PLXNA4: variants seen among roughly 807,000 people sequenced by gnomAD.
PLXNA4 encodes plexin-A4.
A neutral mutation model predicts 191.8 loss-of-function variants in PLXNA4; 44 were observed. That is an observed-to-expected ratio of 0.23 (90% CI 0.18 to 0.29). The LOEUF is 0.29. Ranked by LOEUF, PLXNA4 falls within the 10% of genes least tolerant of loss-of-function variation. PLXNA4 has a pLI of 1.00. For missense variants in PLXNA4, 1,800 were observed against 2,488.8 expected (o/e 0.72, Z 5.89); for synonymous variants, 1,082 against 1,009.5 (o/e 1.07, Z -1.36).
chr7:132,363,090 T>G (rs1452729071), intron 3 of PLXNA4, among the ~76,000 whole-genome samples: 1 of 152,188 alleles, frequency 6.6e-6, no homozygotes, highest in African/African-American at 2.4e-5. Flanking sequence ...GTTCAAGTGA[T>G]TCTCTTACCT....
intron 1 of PLXNA4, among the ~76,000 whole-genome samples, chr7:132,511,499 T>C (rs1418153436): frequency 6.6e-6 from 1 of 152,174 alleles, no homozygotes; most frequent in Non-Finnish European, 1.5e-5. Context: ...ACCAGTATCA[T>C]GAGAAAAACA....
chr7:132,614,243 G>A lies in PLXNA4; in HGVS notation c.-87+31685C>T, dbSNP rs746495292. Among the ~76,000 whole-genome samples, 27 of 152,144 alleles carry A rather than the reference G, an allele frequency of 1.8e-4. No individual in the cohort carries two copies. In the South Asian group the frequency reaches 2.3e-3, roughly 13 times the overall value. On this transcript the variant is annotated intron_variant, in intron 2 of 4. Coordinates refer to the PLXNA4 transcript ENST00000378539. ...ATTCCAACAGATCAACAATATAAAC[G>A]ATTATTGAGGTATTTTACACTCTTT... is the stretch of plus-strand genomic sequence containing the variant.
At chr7:132,578,929 G>C (rs1442683927), upstream of PLXNA4, among the ~76,000 whole-genome samples, 1 of 152,174 alleles carries the variant, frequency 6.6e-6, no homozygotes, top group African/African-American at 2.4e-5. Flanking sequence ...CAGAAGTCCA[G>C]AGACACACAT....
At chr7:132,634,987 A>T (rs1002766292) in intron 2 of PLXNA4, among the ~76,000 whole-genome samples, 2 of 151,966 alleles carry the variant, frequency 1.3e-5, no homozygotes, top group Non-Finnish European at 2.9e-5. Context: ...ACGAGAAAAG[A>T]CGAGACTGGC....
intron 20 of PLXNA4, among the ~76,000 whole-genome samples, chr7:132,176,237 C>T (rs1219063088): frequency 6.6e-6 from 1 of 152,214 alleles, no homozygotes; most frequent in Admixed American, 6.5e-5. Flanking sequence ...TGCTGCTCCT[C>T]TCTCCCTGCA....
chr7:132,468,955 G>A (rs1447562967), intron 3 of PLXNA4, among the ~76,000 whole-genome samples: 1 of 151,902 alleles, frequency 6.6e-6, no homozygotes, highest in Non-Finnish European at 1.5e-5. Flanking sequence ...ACAGAACATG[G>A]CCTGTGGAAT....
chr7:132,340,747 AGCTCACTGCAACCTCTG>A (rs1802997063), intron 3 of PLXNA4, among the ~76,000 whole-genome samples: 1 of 152,326 alleles, frequency 6.6e-6, no homozygotes, highest in East Asian at 1.9e-4. Context: ...ATGTGATCTC[AGCTCACTGCAACCTCTG>A]CCTCCTAGGT....
chr7:132,482,226 G>A (rs1225108381), intron 3 of PLXNA4, among the ~76,000 whole-genome samples: 2 of 152,188 alleles, frequency 1.3e-5, no homozygotes, highest in Non-Finnish European at 2.9e-5. Flanking sequence ...ATACAGCAAA[G>A]GGGATGGGGT....
At chr7:132,365,298 C>A (rs556352195) in intron 3 of PLXNA4, among the ~76,000 whole-genome samples, 9 of 151,958 alleles carry the variant, frequency 5.9e-5, no homozygotes, top group African/African-American at 2.2e-4. Context: ...GGTTTCCATG[C>A]CCTGCTCCCC....
At chr7:132,392,069 A>G (rs1165035640) in intron 3 of PLXNA4, among the ~76,000 whole-genome samples, 1 of 152,088 alleles carries the variant, frequency 6.6e-6, no homozygotes, top group African/African-American at 2.4e-5. Context: ...CAGAGGTTGC[A>G]GTGAGCTGAG....
At chr7:132,339,163 A>G (rs1442710565) in intron 3 of PLXNA4, among the ~76,000 whole-genome samples, 2 of 152,210 alleles carry the variant, frequency 1.3e-5, no homozygotes, top group Non-Finnish European at 2.9e-5. Flanking sequence ...TTGCCATTTC[A>G]CAGACCACAC....
intron 2 of PLXNA4, among the ~76,000 whole-genome samples, chr7:132,497,968 A>G (rs56104892): frequency 7.7e-4 from 118 of 152,324 alleles, no homozygotes; most frequent in Non-Finnish European, 1.4e-3. Flanking sequence ...TTAGACAAAC[A>G]CATCATTGCA....
chr7:132,205,100 T>C (rs1182670853), intron 10 of PLXNA4, among the ~76,000 whole-genome samples: 1 of 152,206 alleles, frequency 6.6e-6, no homozygotes, highest in Non-Finnish European at 1.5e-5. Flanking sequence ...TAAAGCAAAG[T>C]TTCCTAGCCC....
At chr7:132,436,089 A>G (rs376481372) in intron 3 of PLXNA4, among the ~76,000 whole-genome samples, 1 of 152,342 alleles carries the variant, frequency 6.6e-6, no homozygotes, top group African/African-American at 2.4e-5. Context: ...GAGACCTCAG[A>G]GGCTGGCAAC....
upstream of PLXNA4, chr7:132,576,592 G>C (rs528083514): frequency 1.2e-3 from 1,211 of 986,100 alleles, 1 homozygote; most frequent in South Asian, 1.9e-3. This position sits in a 1 kb window ranked among gnomAD's most constrained non-coding sequence, Gnocchi z 5.8. Context: ...CAGGGAAGCC[G>C]GGAGCAGCCG....
intron 2 of PLXNA4, among the ~76,000 whole-genome samples, chr7:132,604,268 C>G (rs965489482): frequency 6.6e-6 from 1 of 152,146 alleles, no homozygotes; most frequent in Non-Finnish European, 1.5e-5. Flanking sequence ...CCCACTAGCT[C>G]AGGAGCTGAT....
intron 5 of PLXNA4, among the ~76,000 whole-genome samples, chr7:132,229,806 G>T (rs925916613): frequency 6.6e-6 from 1 of 152,160 alleles, no homozygotes; most frequent in East Asian, 1.9e-4. Flanking sequence ...TGTGGTGTGG[G>T]GCAAGGAGAT....
intron 3 of PLXNA4, among the ~76,000 whole-genome samples, chr7:132,411,812 GTC>G (rs1389507365): frequency 1.3e-5 from 2 of 152,136 alleles, no homozygotes; most frequent in Non-Finnish European, 2.9e-5. Flanking sequence ...CAGGAGCTTG[GTC>G]TCTCATTCAC....
chr7:132,571,689 T>C (rs1381472506), intron 1 of PLXNA4, among the ~76,000 whole-genome samples: 1 of 152,148 alleles, frequency 6.6e-6, no homozygotes, highest in Non-Finnish European at 1.5e-5. Flanking sequence ...AAACAATACC[T>C]ACCTTGCACA....
Sources: allele counts gnomAD v4.1 joint callset (sites outside exome capture counted in the v4.1 genomes callset), GRCh38; gene constraint gnomAD v4.1.1; non-coding constraint Gnocchi (gnomAD v3.1); transcripts MANE v1.5; gene names NCBI Gene and HGNC (gene_info 2026-07-23, HGNC 2026-07-21).